The following CROCC2 variants were observed in gnomAD, a reference collection of about 807,000 sequenced individuals.
CROCC2 encodes the protein ciliary rootlet coiled-coil protein 2.
CROCC2 carries 163 observed loss-of-function variants against 177.6 expected under a neutral mutation model. The observed-to-expected ratio is 0.92, with a 90% confidence interval of 0.81 to 1.05. The LOEUF (loss-of-function observed/expected upper bound fraction) is 1.05. Ranked by LOEUF, CROCC2 falls within the 50% of genes least tolerant of loss-of-function variation. The pLI, the probability that CROCC2 is intolerant of heterozygous loss-of-function variation, is 0.00. For synonymous variants in CROCC2, 904 were observed against 787.3 expected, an observed-to-expected ratio of 1.15 and a Z score of -2.48; for missense variants, 1,929 against 1,797.8, an observed-to-expected ratio of 1.07 and a Z score of -1.32.
chr2:240,913,310 C>G (rs1046249586), intron 1 of CROCC2, among the ~76,000 whole-genome samples: 5 of 152,106 alleles, frequency 3.3e-5, no homozygotes, highest in African/African-American at 4.8e-5. Flanking sequence ...TGCCCGGGCT[C>G]TCTAGCTGGT....
Position 240,965,414 on chromosome 2 carries a change from A to T in CROCC2, c.3499A>T (p.Ser1167Cys). The change falls in exon 23 of 32, where the codon AGT becomes TGT. Residue 1167 changes from serine (S) to cysteine (C), a missense_variant. Coordinates refer to ENST00000690015, the MANE Select transcript of CROCC2 (RefSeq NM_001351305.2). ...RTLKAENQRR[S>C]GEAHELQAQC... Reference sequence around the variant, plus strand: ...ACTGAAGGCCGAGAACCAGAGGAGGAGTGGAGAGGCCCATGAGCTGCAGGC... The same window carrying T: ...ACTGAAGGCCGAGAACCAGAGGAGGTGTGGAGAGGCCCATGAGCTGCAGGC... 3 of 1,549,644 alleles carry T rather than the reference A, an allele frequency of 1.9e-6. No individual in the cohort carries two copies. The highest frequency in any genetic ancestry group is 2.6e-6 in the Non-Finnish European group (3 of 1,146,928).
intron 28 of CROCC2, chr2:240,983,418 C>T (rs1025463539): frequency 2.3e-6 from 3 of 1,283,596 alleles, no homozygotes; most frequent in African/African-American, 1.6e-5. Context: ...CCAGCGTCTT[C>T]GGCCCAGGTG....
At chr2:240,984,537 ACCCAGGCAC>A (rs2059822854) in intron 28 of CROCC2, among the ~76,000 whole-genome samples, 1 of 111,022 alleles carries the variant, frequency 9.0e-6, no homozygotes, top group African/African-American at 3.8e-5. Flanking sequence ...TTCCACACAC[ACCCAGGCAC>A]TCACTCCACA....
intron 28 of CROCC2, among the ~76,000 whole-genome samples, chr2:240,987,998 C>A (rs950483489): frequency 6.6e-6 from 1 of 152,242 alleles, no homozygotes; most frequent in African/African-American, 2.4e-5. Flanking sequence ...GTTCCTCTCC[C>A]AGTGCTGCTC....
rs1400814027 is a variant in CROCC2 at position 240,973,418 on chromosome 2, C to G, written c.4401+5156C>G. ...AGCATCACCCACAGCCTCATGCCCG[C>G]TCAGAAAGGCCCCCCATGCCACCCT... is the stretch of plus-strand genomic sequence containing the variant. On this transcript the variant is annotated intron_variant, in intron 27 of 31. Coordinates refer to ENST00000690015, the MANE Select transcript of CROCC2 (RefSeq NM_001351305.2). This position sits in a 1 kb window ranked among gnomAD's most constrained non-coding sequence, Gnocchi z 4.7. Among the ~76,000 whole-genome samples, 1 of 150,086 alleles carries G rather than the reference C, an allele frequency of 6.7e-6. No homozygotes were observed. Among genetic ancestry groups the G allele is most frequent in the African/African-American group, 2.5e-5 (1 of 40,472 alleles).
In CROCC2 at chr2:240,991,453, G is replaced by A. The variant is rs538519364; in HGVS notation, c.4946+175G>A. 5.3e-5 allele frequency among the ~76,000 whole-genome samples: 8 copies of A among 152,362 alleles called. No homozygotes were observed. The South Asian group carries it at 8.3e-4, about 16-fold the overall frequency. ...GACAAAGCTCAAATGGGGTGGGCACGATGACAGCAGAAAGCACAGGGTGCA... is the reference window on the plus strand; with the variant it reads ...GACAAAGCTCAAATGGGGTGGGCACAATGACAGCAGAAAGCACAGGGTGCA... On this transcript the variant is annotated intron_variant, in intron 31 of 31. Transcript: ENST00000690015.
rs530606947 is a variant in CROCC2, at chr2:240,967,320, C to T, written c.4147-25C>T. 219 of 667,576 alleles carry T rather than the reference C, an allele frequency of 3.3e-4. 2 individuals are homozygous for T. Among genetic ancestry groups the T allele is most frequent in the South Asian group, 2.8e-3 (173 of 60,954 alleles). The allele number at this position is 667,576 out of a possible 1,614,324, so 41.4% of individuals were successfully genotyped here. ...CTCCACCCGCCCATTGGACTGCCCC[C>T]GCTGACCTCAGTCCTTCTGCCCAGG... On this transcript the variant is annotated intron_variant, in intron 25 of 31. Transcript: ENST00000690015.
rs1402877372 is a variant in CROCC2, at chr2:240,993,107, A to C, written c.*26A>C. On this transcript the variant is annotated 3_prime_UTR_variant, in exon 32 of 32. Coordinates refer to ENST00000690015, the MANE Select transcript of CROCC2 (RefSeq NM_001351305.2). The stretch of plus-strand genomic sequence containing the variant: ...AGCTCCCAGCACAGGGGAGGCGCCC[A>C]GCGTGGCTGCAGAGGAAGGGAACGC... 1.4e-6 allele frequency: 1 copy of C among 716,324 alleles called. No homozygotes were observed. The highest frequency in any genetic ancestry group is 2.7e-5 in the East Asian group (1 of 37,230). The allele number at this position is 716,324 out of a possible 1,614,324, so 44.4% of individuals were successfully genotyped here. A position where few individuals can be genotyped will look rare whatever the true frequency, so the allele number is the denominator to read the frequency against.
Position 240,966,327 on chromosome 2 carries a change from G to T in CROCC2, c.4064G>T (p.Ser1355Ile). 2.4e-6 allele frequency: 1 copy of T among 410,496 alleles called. No homozygotes were observed. The highest frequency in any genetic ancestry group is 4.3e-6 in the Non-Finnish European group (1 of 234,366). 25.4% of individuals were successfully genotyped at this position (410,496 alleles called of 1,614,324 possible). Residue 1355 changes from serine to isoleucine, a missense_variant, in exon 25 of 32, where the codon AGC (serine) becomes ATC (isoleucine). Coordinates refer to ENST00000690015, the MANE Select transcript of CROCC2 (RefSeq NM_001351305.2). ...CCCTCGCCCACACCCGGAGGCCGCA[G>T]CTCAGAGCTCATGGATGTGGCCACC... ...RWPSPTPGGR[S>I]SELMDVATVQ... is the part of the protein sequence containing the mutation.
rs944854215 is a variant in CROCC2, at chr2:240,933,870, G to C, written c.1646+18G>C. ...GAGACCAGGTGCGCGGCCGTGGCTG[G>C]GTGGGCAGGGCCCCTCCCACAGAAG... On this transcript the variant is annotated intron_variant, in intron 11 of 31. Transcript: ENST00000690015. 7 of 1,537,892 alleles carry C rather than the reference G, an allele frequency of 4.6e-6. No individual in the cohort carries two copies. In the Admixed American group the frequency reaches 1.4e-4, roughly 30 times the overall value.
chr2:240,911,018 C>T (rs2059284382), intron 1 of CROCC2, among the ~76,000 whole-genome samples: 1 of 152,040 alleles, frequency 6.6e-6, no homozygotes, highest in Non-Finnish European at 1.5e-5. Context: ...GTAATCCCAG[C>T]TACTCAGGAG....
rs2059604478 is a variant in CROCC2 at position 240,958,003 on chromosome 2, T to C, written c.2944-1298T>C. 3 of 985,254 alleles carry C rather than the reference T, an allele frequency of 3.0e-6. No individual in the cohort carries two copies. Among genetic ancestry groups the C allele is most frequent in the Non-Finnish European group, 3.6e-6 (3 of 829,908 alleles). 61.0% of individuals were successfully genotyped at this position (985,254 alleles called of 1,614,324 possible). On this transcript the variant is annotated intron_variant, in intron 19 of 31. Coordinates refer to ENST00000690015, the MANE Select transcript of CROCC2 (RefSeq NM_001351305.2). The surrounding 1 kb of genome is among the most constrained non-coding windows in gnomAD (Gnocchi z 6.7). Reference sequence around the variant, plus strand: ...AGTGCTGGCTTCTGGAGCCTTCTCTTGAGCTGGCCCTGAGTCTCCCCCGGA... The same window carrying C: ...AGTGCTGGCTTCTGGAGCCTTCTCTCGAGCTGGCCCTGAGTCTCCCCCGGA...
In CROCC2 at chr2:240,960,063, G is replaced by A. The variant is rs1223036196; in HGVS notation, c.3087+619G>A. Among the ~76,000 whole-genome samples the A allele has an allele frequency of 6.6e-6, 1 of 152,244 alleles. No individual in the cohort carries two copies. The highest frequency in any genetic ancestry group is 2.4e-5 in the African/African-American group (1 of 41,462). ...ACAGTTAAGAAAGTGGAGTCAGGAA[G>A]GGCCTGACTCTGGAGGCACTGGGGC... On this transcript the variant is annotated intron_variant, in intron 20 of 31. Coordinates refer to ENST00000690015, the MANE Select transcript of CROCC2 (RefSeq NM_001351305.2). This position sits in a 1 kb window ranked among gnomAD's most constrained non-coding sequence, Gnocchi z 5.0.
intron 22 of CROCC2, 105 bp from the exon 23 acceptor site, chr2:240,965,276 C>A: frequency 1.4e-6 from 2 of 1,473,950 alleles, no homozygotes; most frequent in African/African-American, 1.4e-5. Context: ...CTAAGTGTGG[C>A]CAGCTGCCCT....
chr2:240,981,390 A>G (rs1464956794), intron 27 of CROCC2: 1 of 152,250 alleles, frequency 6.6e-6, no homozygotes, highest in Non-Finnish European at 1.5e-5. Flanking sequence ...GACTGAATCC[A>G]CGTTTTCAAG....
At chr2:240,910,404 C>G (rs1418579308) in intron 1 of CROCC2, among the ~76,000 whole-genome samples, 2 of 148,380 alleles carry the variant, frequency 1.3e-5, no homozygotes, top group Non-Finnish European at 3.0e-5. Context: ...TTGATTTGTG[C>G]TATTTTTCTA....
intron 22 of CROCC2, 94 bp from the exon 23 acceptor site, chr2:240,965,287 C>A: frequency 6.6e-7 from 1 of 1,504,132 alleles, no homozygotes; most frequent in Non-Finnish European, 8.9e-7. Context: ...CAGCTGCCCT[C>A]AAGGGACGTG....
rs936336343 is a variant in CROCC2 at position 240,960,178 on chromosome 2, A to G, written c.3087+734A>G. The stretch of plus-strand genomic sequence containing the variant: ...CCTTGGCCAAGAGGCCCATCGAGCC[A>G]TCCACTGAGGCACGGGGAGGCCCTA... On this transcript the variant is annotated intron_variant, in intron 20 of 31. Transcript: ENST00000690015. The surrounding 1 kb of genome is among the most constrained non-coding windows in gnomAD (Gnocchi z 5.0). Among the ~76,000 whole-genome samples, 4 of 152,256 alleles carry G rather than the reference A, an allele frequency of 2.6e-5. No homozygotes were observed. Among genetic ancestry groups the G allele is most frequent in the African/African-American group, 9.6e-5 (4 of 41,480 alleles).
intron 28 of CROCC2, 45 bp downstream of exon 28, chr2:240,983,074 G>A: frequency 2.0e-6 from 3 of 1,530,474 alleles, no homozygotes; most frequent in African/African-American, 2.7e-5. Context: ...CCAGGAGGCG[G>A]TGAACAGGCC....
Sources: allele counts gnomAD v4.1 joint callset (sites outside exome capture counted in the v4.1 genomes callset), GRCh38; gene constraint gnomAD v4.1.1; non-coding constraint Gnocchi (gnomAD v3.1); transcripts MANE v1.5; gene names NCBI Gene and HGNC (gene_info 2026-07-23, HGNC 2026-07-21).